GPC5: variants seen among roughly 807,000 people sequenced by gnomAD.
GPC5 encodes the protein glypican-5.
A neutral mutation model predicts 53.9 loss-of-function variants in GPC5; 47 were observed. The observed-to-expected ratio is 0.87, with a 90% CI of 0.69 to 1.11. The LOEUF (loss-of-function observed/expected upper bound fraction) is 1.11, where lower values mean the gene tolerates loss of function less well. Ranked by LOEUF, GPC5 falls within the 50% of genes most tolerant of loss-of-function variation. GPC5 has a pLI of 0.00. For missense variants in GPC5, 748 were observed against 713.1 expected (o/e 1.05, Z -0.56); for synonymous variants, 286 against 263.3 (o/e 1.09, Z -0.84).
chr13:92,656,126 G>T (rs1886128846), intron 7 of GPC5, among the ~76,000 whole-genome samples: 1 of 152,182 alleles, frequency 6.6e-6, no homozygotes. Context: ...AGTCATTGAG[G>T]AGTTTGAAAT....
intron 2 of GPC5, among the ~76,000 whole-genome samples, chr13:91,492,946 C>G (rs937940950): frequency 7.2e-5 from 11 of 152,088 alleles, no homozygotes; most frequent in African/African-American, 1.7e-4. Context: ...TCTTTCCCCC[C>G]AGTGCTTCTC....
intron 5 of GPC5, among the ~76,000 whole-genome samples, chr13:91,761,081 C>T (rs2037400709): frequency 6.6e-6 from 1 of 152,074 alleles, no homozygotes; most frequent in African/African-American, 2.4e-5. Context: ...GTTCTCAGTT[C>T]TCTGTGATTG....
chr13:92,100,951 G>A lies in GPC5; in HGVS notation c.1402-43879G>A, dbSNP rs370455374. Among the ~76,000 whole-genome samples, 9 of 152,248 alleles carry A rather than the reference G, an allele frequency of 5.9e-5. No homozygotes were observed. The East Asian group carries it at 1.4e-3, about 23-fold the overall frequency. Reference sequence around the variant, plus strand: ...CTAGCTATCAAAATGCAAAGTGAATGTTAGACAGGATATAGTAAAATAATA... The same window carrying A: ...CTAGCTATCAAAATGCAAAGTGAATATTAGACAGGATATAGTAAAATAATA... On this transcript the variant is annotated intron_variant, in intron 6 of 7. Coordinates refer to ENST00000377067, the MANE Select transcript of GPC5 (RefSeq NM_004466.6).
intron 7 of GPC5, among the ~76,000 whole-genome samples, chr13:92,504,517 G>T (rs747483500): frequency 6.6e-6 from 1 of 151,970 alleles, no homozygotes; most frequent in Non-Finnish European, 1.5e-5. Flanking sequence ...AAGGACAAAA[G>T]TGCTAAGGTG....
chr13:92,788,566 T>G (rs1876344579), intron 7 of GPC5, among the ~76,000 whole-genome samples: 1 of 152,202 alleles, frequency 6.6e-6, no homozygotes, highest in Admixed American at 6.5e-5. Context: ...TTGCTCTAGA[T>G]TTGGGAAATA....
chr13:92,056,213 A>G (rs564717844), intron 6 of GPC5, among the ~76,000 whole-genome samples: 1 of 152,146 alleles, frequency 6.6e-6, no homozygotes, highest in African/African-American at 2.4e-5. Flanking sequence ...AGCTGCTAGC[A>G]ACTGCCTGCT....
chr13:92,749,098 A>G (rs958742312), intron 7 of GPC5, among the ~76,000 whole-genome samples: 9 of 152,264 alleles, frequency 5.9e-5, no homozygotes, highest in Admixed American at 5.9e-4. Context: ...ACACTGATCT[A>G]CTCTGGGACT....
chr13:91,847,964 G>C (rs1248534252), intron 5 of GPC5, among the ~76,000 whole-genome samples: 1 of 152,124 alleles, frequency 6.6e-6, no homozygotes, highest in Non-Finnish European at 1.5e-5. Flanking sequence ...TTGTAGTTGA[G>C]CAAAATGCTT....
At chr13:92,773,743 G>A (rs1355870922) in intron 7 of GPC5, among the ~76,000 whole-genome samples, 1 of 152,100 alleles carries the variant, frequency 6.6e-6, no homozygotes, top group Non-Finnish European at 1.5e-5. Flanking sequence ...CTTTGTAAGA[G>A]TATTCCTTGA....
chr13:91,561,000 G>A (rs1463928289), intron 2 of GPC5, among the ~76,000 whole-genome samples: 1 of 152,086 alleles, frequency 6.6e-6, no homozygotes, highest in Non-Finnish European at 1.5e-5. Context: ...TTTTACTAGA[G>A]TGACTGTGCC....
intron 2 of GPC5, among the ~76,000 whole-genome samples, chr13:91,617,930 C>G (rs1490255730): frequency 4.6e-5 from 7 of 152,086 alleles, no homozygotes; most frequent in Non-Finnish European, 1.0e-4. Context: ...TCCAATAAAA[C>G]TTTATTTACA....
At chr13:91,973,560 C>G (rs577450225) in intron 6 of GPC5, among the ~76,000 whole-genome samples, 1 of 152,160 alleles carries the variant, frequency 6.6e-6, no homozygotes, top group Non-Finnish European at 1.5e-5. Context: ...TTAGAGTTTC[C>G]GGTTTTTCTG....
At chr13:92,640,555 C>T (rs1366045012) in intron 7 of GPC5, among the ~76,000 whole-genome samples, 1 of 152,114 alleles carries the variant, frequency 6.6e-6, no homozygotes, top group Non-Finnish European at 1.5e-5. Context: ...CCACTACGCC[C>T]GGCCCCAGAT....
chr13:91,463,127 A>G (rs1391980324), intron 2 of GPC5, among the ~76,000 whole-genome samples: 1 of 152,058 alleles, frequency 6.6e-6, no homozygotes, highest in African/African-American at 2.4e-5. Flanking sequence ...GGCCCCCCAT[A>G]TAAAATGGCA....
At chr13:91,670,366 C>T (rs1015790257) in intron 2 of GPC5, among the ~76,000 whole-genome samples, 8 of 151,940 alleles carry the variant, frequency 5.3e-5, no homozygotes, top group African/African-American at 1.9e-4. Context: ...ATGTATAGAC[C>T]AGGGTAGTGG....
chr13:92,804,650 A>C (rs1463310694), intron 7 of GPC5, among the ~76,000 whole-genome samples: 1 of 151,954 alleles, frequency 6.6e-6, no homozygotes, highest in Non-Finnish European at 1.5e-5. Context: ...TGAAGGTTGG[A>C]TTGGCTGTGG....
intron 7 of GPC5, among the ~76,000 whole-genome samples, chr13:92,475,243 G>T (rs540478252): frequency 2.1e-4 from 31 of 148,874 alleles, no homozygotes; most frequent in African/African-American, 7.2e-4. Context: ...GTGAAGAAAG[G>T]CATTGGTAGC....
chr13:92,259,522 A>G (rs2042750363), intron 7 of GPC5, among the ~76,000 whole-genome samples: 1 of 152,144 alleles, frequency 6.6e-6, no homozygotes, highest in Non-Finnish European at 1.5e-5. Context: ...AGAGGAAAAT[A>G]CAGATTTGAT....
At chr13:91,431,595 TGTGTTACAATTATAAATTCCCAG>T (rs1164306004) in intron 1 of GPC5, among the ~76,000 whole-genome samples, 2 of 152,236 alleles carry the variant, frequency 1.3e-5, no homozygotes, top group Non-Finnish European at 2.9e-5. Context: ...GATTATACTC[TGTGTTACAATTATAAATTCCCAG>T]GTGAAAAAAT....
Sources: allele counts gnomAD v4.1 joint callset (sites outside exome capture counted in the v4.1 genomes callset), GRCh38; gene constraint gnomAD v4.1.1; transcripts MANE v1.5; gene names NCBI Gene and HGNC (gene_info 2026-07-23, HGNC 2026-07-21).